Variants in ADK observed in about 807,000 individuals in gnomAD.
The protein encoded by ADK is adenosine kinase.
In ADK, 24 loss-of-function variants were observed where a neutral mutation model predicts 44.7. The ratio of observed to expected loss-of-function variants is 0.54; its 90% CI spans 0.39 to 0.76. The LOEUF is 0.76. ADK is among the 30% of genes least tolerant of loss of function. The pLI is 0.00. For missense variants in ADK, 321 were observed against 425.1 expected (o/e 0.76, Z 2.15); for synonymous variants, 128 against 142.6 (o/e 0.90, Z 0.73).
chr10:74,346,354 T>G (rs1462944441), intron 4 of ADK, among the ~76,000 whole-genome samples: 1 of 150,712 alleles, frequency 6.6e-6, no homozygotes, highest in Non-Finnish European at 1.5e-5. Context: ...ACACTTATAG[T>G]ACAGTATACT....
chr10:74,420,296 C>T (rs1844514539), intron 6 of ADK, among the ~76,000 whole-genome samples: 1 of 152,096 alleles, frequency 6.6e-6, no homozygotes, highest in Admixed American at 6.6e-5. Context: ...GCAACCTGGA[C>T]ATTTTTATTG....
At chr10:74,295,129 T>A (rs943056950) in intron 3 of ADK, among the ~76,000 whole-genome samples, 2 of 151,908 alleles carry the variant, frequency 1.3e-5, no homozygotes, top group African/African-American at 4.8e-5. Context: ...AGTTCTGGTA[T>A]TCATCTGCAA....
chr10:74,699,463 C>A (rs1262083880), intron 10 of ADK, among the ~76,000 whole-genome samples: 1 of 152,000 alleles, frequency 6.6e-6, no homozygotes. Context: ...GGATCACCTG[C>A]AGTCAGGAGT....
intron 1 of ADK, among the ~76,000 whole-genome samples, chr10:74,180,953 T>C (rs996741695): frequency 6.6e-6 from 1 of 152,248 alleles, no homozygotes; most frequent in Non-Finnish European, 1.5e-5. Flanking sequence ...GTAAAAGTGC[T>C]TTTAAATTTT....
In ADK at chr10:74,322,059, C is replaced by A. The variant is rs996821088; in HGVS notation, c.273+7314C>A. Among the ~76,000 whole-genome samples, 14 of 152,040 alleles carry A rather than the reference C, an allele frequency of 9.2e-5. No individual in the cohort carries two copies. In the South Asian group the frequency reaches 1.9e-3, roughly 20 times the overall value. On this transcript the variant is annotated intron_variant, in intron 4 of 10. Transcript: ENST00000539909. ...TCATGTTGTTTATCTATTTTGAATC[C>A]TTTTTTGAAAAAAGTTAATCTTTAA...
chr10:74,538,307 G>A (rs903288167), intron 7 of ADK, among the ~76,000 whole-genome samples: 3 of 151,254 alleles, frequency 2.0e-5, no homozygotes, highest in African/African-American at 7.3e-5. Flanking sequence ...TCCTTTTGCT[G>A]GCAGTGTTCC....
intron 6 of ADK, among the ~76,000 whole-genome samples, chr10:74,447,521 A>G (rs1845627713): frequency 6.6e-6 from 1 of 152,126 alleles, no homozygotes; most frequent in South Asian, 2.1e-4. Context: ...TGCTGTTTTA[A>G]TTGCCTGTAG....
chr10:74,397,985 G>A (rs1030114988), intron 5 of ADK, among the ~76,000 whole-genome samples: 13 of 152,120 alleles, frequency 8.5e-5, no homozygotes, highest in South Asian at 8.3e-4. Flanking sequence ...TCCTCTTAGC[G>A]AATATGGTCT....
intron 6 of ADK, among the ~76,000 whole-genome samples, chr10:74,508,014 T>C (rs1848149829): frequency 6.6e-6 from 1 of 152,158 alleles, no homozygotes; most frequent in Non-Finnish European, 1.5e-5. Context: ...TCAAGATTTA[T>C]TTTGGGAGAA....
chr10:74,168,220 T>C (rs979138399), intron 1 of ADK, among the ~76,000 whole-genome samples: 2 of 152,166 alleles, frequency 1.3e-5, no homozygotes, highest in African/African-American at 2.4e-5. Context: ...TCGATAAATA[T>C]TTGTTGAGTT....
intron 1 of ADK, among the ~76,000 whole-genome samples, chr10:74,159,102 C>T (rs1448622844): frequency 6.6e-6 from 1 of 152,168 alleles, no homozygotes. Flanking sequence ...GTACTTTTGG[C>T]TTCGTACCAT....
At chr10:74,624,375 C>A (rs891027200) in intron 9 of ADK, among the ~76,000 whole-genome samples, 2 of 151,848 alleles carry the variant, frequency 1.3e-5, no homozygotes, top group Non-Finnish European at 2.9e-5. Flanking sequence ...TGTTTTTAAA[C>A]CTTTCTGTGT....
intron 1 of ADK, among the ~76,000 whole-genome samples, chr10:74,153,339 G>A (rs540164817): frequency 2.0e-5 from 3 of 152,186 alleles, no homozygotes; most frequent in South Asian, 2.1e-4. Context: ...ATTCAGGGGT[G>A]CTGCTAAACA....
chr10:74,410,805 T>A (rs1484607922), intron 6 of ADK, among the ~76,000 whole-genome samples: 1 of 152,208 alleles, frequency 6.6e-6, no homozygotes, highest in Non-Finnish European at 1.5e-5. Flanking sequence ...GCAGAGTAAG[T>A]GAACTAATGA....
chr10:74,360,110 T>C (rs182506365), intron 4 of ADK, among the ~76,000 whole-genome samples: 5 of 152,298 alleles, frequency 3.3e-5, no homozygotes, highest in Admixed American at 3.3e-4. Context: ...GAGAAGAATG[T>C]GTATTCTGTG....
intron 3 of ADK, among the ~76,000 whole-genome samples, chr10:74,269,219 C>T (rs1476221193): frequency 6.6e-6 from 1 of 151,880 alleles, no homozygotes; most frequent in Admixed American, 6.6e-5. Flanking sequence ...AAAGAGCCTC[C>T]TTAATTGTTT....
intron 4 of ADK, among the ~76,000 whole-genome samples, chr10:74,345,225 T>G (rs1342522411): frequency 2.6e-5 from 4 of 152,190 alleles, no homozygotes; most frequent in African/African-American, 9.6e-5. Flanking sequence ...TAATAAATAA[T>G]CTAATTTGTT....
rs76767164 is a variant in ADK at position 74,478,902 on chromosome 10, A to G, written c.556-46354A>G. Among the ~76,000 whole-genome samples the G allele has an allele frequency of 4.9e-3, 749 of 152,270 alleles. 4 individuals are homozygous for G. Among genetic ancestry groups the G allele is most frequent in the African/African-American group, 0.017 (705 of 41,548 alleles). The stretch of plus-strand genomic sequence containing the variant: ...TTTGAATTCCCGTGCCTTTACTCAG[A>G]TATGTCTTGGTCTTCACTACTGTGT... On this transcript the variant is annotated intron_variant, in intron 6 of 10. Coordinates refer to ENST00000539909, the MANE Select transcript of ADK (RefSeq NM_006721.4).
intron 6 of ADK, among the ~76,000 whole-genome samples, chr10:74,489,997 T>A (rs2133388822): frequency 7.0e-6 from 1 of 142,814 alleles, no homozygotes; most frequent in South Asian, 2.2e-4. Flanking sequence ...CATATATCCG[T>A]TTTATCTTTA....
Sources: gnomAD v4.1 joint callset for allele counts (sites outside exome capture counted in the v4.1 genomes callset) on GRCh38, gnomAD v4.1.1 for gene constraint, MANE v1.5 for transcripts, NCBI Gene and HGNC (gene_info 2026-07-23, HGNC 2026-07-21) for gene names.